Variants in PARD3B observed in about 807,000 individuals in gnomAD.
PARD3B encodes partitioning defective 3 homolog B.
PARD3B carries 103 observed loss-of-function variants against 130.2 expected under a neutral mutation model. The observed-to-expected ratio is 0.79, with a 90% confidence interval of 0.67 to 0.93. The LOEUF (loss-of-function observed/expected upper bound fraction) is 0.93. PARD3B is among the 40% of genes least tolerant of loss of function. The pLI, the probability that PARD3B is intolerant of heterozygous loss-of-function variation, is 0.00. For synonymous variants in PARD3B, 583 were observed against 553.2 expected, an observed-to-expected ratio of 1.05 and a Z score of -0.76; for missense variants, 1,609 against 1,499.2, an observed-to-expected ratio of 1.07 and a Z score of -1.21.
Position 205,121,668 on chromosome 2 carries a change from A to G in PARD3B, c.884A>G (p.Gln295Arg), listed in dbSNP as rs369451984. The G allele has an allele frequency of 1.5e-5, 24 of 1,614,088 alleles. 1 individual carries two copies. Among genetic ancestry groups the G allele is most frequent in the Non-Finnish European group, 1.9e-5 (22 of 1,180,044 alleles). Residue 295 changes from glutamine (Q) to arginine (R), a missense_variant, in exon 8 of 23, where the codon CAG becomes CGG. Transcript: ENST00000406610. This position sits in a 1 kb window ranked among gnomAD's most constrained non-coding sequence, Gnocchi z 5.0. ...LHVLPPQNRE[Q>R]YEKSVIGSLN... ...GTGCTTCCTCCACAAAACCGTGAAC[A>G]GTATGAAAAGTCAGTCATTGGCTCT...
chr2:205,561,108 A>ATTT (rs1040033620), intron 22 of PARD3B, among the ~76,000 whole-genome samples: 2 of 152,114 alleles, frequency 1.3e-5, no homozygotes, highest in African/African-American at 4.8e-5. Flanking sequence ...TCCCAAAAGT[A>ATTT]TTTTGTCTGG....
chr2:205,054,434 A>ATTT (rs1482779392), intron 4 of PARD3B, among the ~76,000 whole-genome samples: 76 of 29,484 alleles, frequency 2.6e-3, no homozygotes, highest in African/African-American at 1.0e-2. Flanking sequence ...ATATATATAT[A>ATTT]TATTTTTTTT....
chr2:205,276,417 T>G lies in PARD3B; in HGVS notation c.2186-24113T>G, dbSNP rs1224634295. 6.6e-6 allele frequency among the ~76,000 whole-genome samples: 1 copy of G among 152,176 alleles called. No individual in the cohort carries two copies. The highest frequency in any genetic ancestry group is 1.5e-5 in the Non-Finnish European group (1 of 68,034). On this transcript the variant is annotated intron_variant, in intron 16 of 22. Transcript: ENST00000406610. This position sits in a 1 kb window ranked among gnomAD's most constrained non-coding sequence, Gnocchi z 5.0. ...CCTCCTTTCTTTTCTTATTTATCCT[T>G]AACAGAAGAAACAACAAGTAAATCT...
intron 3 of PARD3B, among the ~76,000 whole-genome samples, chr2:205,005,209 CAT>C (rs1002219912): frequency 6.6e-5 from 10 of 151,946 alleles, no homozygotes; most frequent in South Asian, 2.1e-4. Context: ...AGTATACACA[CAT>C]GTACACAAAA....
chr2:204,735,833 AAAAG>A (rs541770697), intron 2 of PARD3B, among the ~76,000 whole-genome samples: 95 of 152,292 alleles, frequency 6.2e-4, no homozygotes, highest in Non-Finnish European at 1.1e-3. Context: ...ATGCGGAAAT[AAAAG>A]AAAGGAATAA....
At chr2:205,322,832 C>A (rs1041906019) in intron 18 of PARD3B, among the ~76,000 whole-genome samples, 1 of 140,332 alleles carries the variant, frequency 7.1e-6, no homozygotes, top group Non-Finnish European at 1.5e-5. Context: ...TTATGAAGCA[C>A]TTTGAAACTT....
At chr2:204,916,838 T>C (rs2047465914) in intron 2 of PARD3B, among the ~76,000 whole-genome samples, 2 of 152,208 alleles carry the variant, frequency 1.3e-5, no homozygotes, top group African/African-American at 4.8e-5. Context: ...CTTGAGCTTT[T>C]ACAATATGAA....
intron 1 of PARD3B, among the ~76,000 whole-genome samples, chr2:204,588,135 C>T (rs547146945): frequency 6.6e-6 from 1 of 152,212 alleles, no homozygotes; most frequent in East Asian, 1.9e-4. Flanking sequence ...GTCATGGTAT[C>T]TGACTTTAGA....
chr2:204,653,731 C>T (rs756854923), intron 1 of PARD3B, among the ~76,000 whole-genome samples: 1 of 141,656 alleles, frequency 7.1e-6, no homozygotes, highest in Non-Finnish European at 1.5e-5. Context: ...GCGGAGGTTG[C>T]AGTGAGCCAA....
At chr2:204,976,228 G>C (rs56218804) in intron 3 of PARD3B, among the ~76,000 whole-genome samples, 18,085 of 152,154 alleles carry the variant, frequency 0.12, 1,143 homozygotes, top group African/African-American at 0.15. Context: ...GAAATACATA[G>C]ATTATACAAT....
At chr2:205,073,653 G>A (rs1008902023) in intron 4 of PARD3B, among the ~76,000 whole-genome samples, 1 of 152,078 alleles carries the variant, frequency 6.6e-6, no homozygotes, top group African/African-American at 2.4e-5. Context: ...TTTTAGACCT[G>A]ATTATGTTTC....
intron 2 of PARD3B, among the ~76,000 whole-genome samples, chr2:204,891,537 GT>G (rs1396242156): frequency 2.0e-5 from 3 of 152,134 alleles, no homozygotes; most frequent in African/African-American, 7.2e-5. Flanking sequence ...TGCACAAAAT[GT>G]TTTAATCAGT....
At chr2:204,813,568 C>A (rs932227835) in intron 2 of PARD3B, among the ~76,000 whole-genome samples, 3 of 152,000 alleles carry the variant, frequency 2.0e-5, no homozygotes, top group African/African-American at 7.2e-5. Context: ...CTTTTAGTGT[C>A]ATGTCTAAGA....
chr2:204,822,247 G>A (rs113354717), intron 2 of PARD3B, among the ~76,000 whole-genome samples: 1 of 152,190 alleles, frequency 6.6e-6, no homozygotes, highest in African/African-American at 2.4e-5. Context: ...AATAGCAAGA[G>A]AACTAGAATT....
intron 18 of PARD3B, chr2:205,348,079 C>G (rs746862954): frequency 6.6e-6 from 1 of 152,222 alleles, no homozygotes; most frequent in Non-Finnish European, 1.5e-5. Context: ...CAGCCAGGTC[C>G]TATTGCACCC....
chr2:204,814,762 G>C (rs1393767405), intron 2 of PARD3B, among the ~76,000 whole-genome samples: 1 of 151,672 alleles, frequency 6.6e-6, no homozygotes, highest in Non-Finnish European at 1.5e-5. Context: ...GTTCTCTTCT[G>C]TCTTGTTATT....
At chr2:205,186,487 T>C (rs1396741824) in intron 14 of PARD3B, among the ~76,000 whole-genome samples, 5 of 152,206 alleles carry the variant, frequency 3.3e-5, no homozygotes, top group East Asian at 1.9e-4. Flanking sequence ...CATTAAATTG[T>C]CCCTTTGCTA....
In PARD3B at chr2:204,587,379, A is replaced by G. The variant is rs114081938; in HGVS notation, c.120+41260A>G. Among the ~76,000 whole-genome samples, 540 of 152,286 alleles carry G rather than the reference A, an allele frequency of 3.5e-3. 2 individuals carry two copies. Among genetic ancestry groups the G allele is most frequent in the African/African-American group, 0.013 (527 of 41,568 alleles). ...AATTTTCTATTTCCCATCTACTTTA[A>G]TTACTTTCAGCGGGATTTTATTCAT... is the stretch of plus-strand genomic sequence containing the variant. On this transcript the variant is annotated intron_variant, in intron 1 of 22. Coordinates refer to ENST00000406610, the MANE Select transcript of PARD3B (RefSeq NM_001302769.2).
rs1478380011 is a variant in PARD3B, at chr2:204,907,414, A to G, written c.223-57738A>G. Reference sequence around the variant, plus strand: ...CATTTACATTTCTATTTGAATGTAAATTATATTATGTGATAAAATTCCTCT... The same window carrying G: ...CATTTACATTTCTATTTGAATGTAAGTTATATTATGTGATAAAATTCCTCT... On this transcript the variant is annotated intron_variant, in intron 2 of 22. Transcript: ENST00000406610. The surrounding 1 kb of genome is among the most constrained non-coding windows in gnomAD (Gnocchi z 5.7). Among the ~76,000 whole-genome samples, 1 of 152,222 alleles carries G rather than the reference A, an allele frequency of 6.6e-6. No homozygotes were observed. The highest frequency in any genetic ancestry group is 1.5e-5 in the Non-Finnish European group (1 of 68,040).
Sources: gnomAD v4.1 joint callset for allele counts (sites outside exome capture counted in the v4.1 genomes callset) on GRCh38, gnomAD v4.1.1 for gene constraint, Gnocchi (gnomAD v3.1) non-coding constraint, MANE v1.5 for transcripts, NCBI Gene and HGNC (gene_info 2026-07-23, HGNC 2026-07-21) for gene names.